Variants in ABCA4 observed in about 807,000 individuals in gnomAD.
ABCA4 encodes the protein retinal-specific phospholipid-transporting ATPase ABCA4.
A neutral mutation model predicts 263.7 loss-of-function variants in ABCA4; 196 were observed. The observed-to-expected ratio is 0.74, with a 90% CI of 0.66 to 0.84. The LOEUF (loss-of-function observed/expected upper bound fraction) is 0.84, where lower values mean the gene tolerates loss of function less well. ABCA4 is among the 40% of genes least tolerant of loss of function. The pLI is 0.00. For missense variants in ABCA4, 2,792 were observed against 2,855.1 expected (o/e 0.98, Z 0.50); for synonymous variants, 1,133 against 1,094.2 (o/e 1.04, Z -0.70).
At chr1:94,044,421 G>A (rs1660615305) in intron 20 of ABCA4, among the ~76,000 whole-genome samples, 192 bp downstream of exon 20, 1 of 152,212 alleles carries the variant, frequency 6.6e-6, no homozygotes, top group Non-Finnish European at 1.5e-5. Flanking sequence ...AGCAGAGGCA[G>A]AGTCCCATAT....
intron 43 of ABCA4, among the ~76,000 whole-genome samples, chr1:94,006,042 G>A (rs568564884): frequency 1.3e-5 from 2 of 152,300 alleles, no homozygotes; most frequent in Admixed American, 6.5e-5. Flanking sequence ...ACTACCCACA[G>A]CGAGAGGCCT....
In ABCA4 at chr1:94,078,683, C is replaced by T. The variant is rs568781940; in HGVS notation, c.1263G>A (p.Leu421=). 39 of 1,613,834 alleles carry T rather than the reference C, an allele frequency of 2.4e-5. No individual in the cohort carries two copies. Among genetic ancestry groups the T allele is most frequent in the Middle Eastern group, 1.7e-4 (1 of 6,060 alleles). ...CTTTGACCAACTTCCTAACGTGTTCCAGTTCTTCAAAAGTTGAGTTGGCCT... is the reference window on the plus strand; with the variant it reads ...CTTTGACCAACTTCCTAACGTGTTCTAGTTCTTCAAAAGTTGAGTTGGCCT... ...LKNANSTFEE[L]EHVRKLVKAW... Residue 421 remains leucine, a synonymous_variant, in exon 10 of 50, where the codon CTG becomes CTA. Transcript: ENST00000370225.
Position 94,120,999 on chromosome 1 carries a change from G to A in ABCA4, c.47C>T (p.Thr16Ile), listed in dbSNP as rs949028237. 8.7e-6 allele frequency: 14 copies of A among 1,613,688 alleles called. No individual in the cohort carries two copies. The highest frequency in any genetic ancestry group is 1.3e-5 in the African/African-American group (1 of 74,824). ...TGTTACCTTTTGCCTTTTCCGCAGGGTCCAGTTCTTCCAGAGCAAAAGCTG... is the reference window on the plus strand; with the variant it reads ...TGTTACCTTTTGCCTTTTCCGCAGGATCCAGTTCTTCCAGAGCAAAAGCTG... Reference protein sequence around the residue: ...QIQLLLWKNWTLRKRQKIRFV... With the variant: ...QIQLLLWKNWILRKRQKIRFV... Residue 16 changes from threonine (T) to isoleucine (I), a missense_variant, in exon 1 of 50, where the codon ACC (threonine) becomes ATC (isoleucine). By Grantham distance (89) the Thr-to-Ile change is moderately conservative. Coordinates refer to ENST00000370225, the MANE Select transcript of ABCA4 (RefSeq NM_000350.3).
rs1477016595 is a variant in ABCA4, at chr1:94,060,747, G to A, written c.1950C>T (p.Ile650=). 6.2e-7 allele frequency: 1 copy of A among 1,611,846 alleles called. No individual in the cohort carries two copies. Among genetic ancestry groups the A allele is most frequent in the Non-Finnish European group, 8.5e-7 (1 of 1,178,744 alleles). Reference sequence around the variant, plus strand: ...TGAAGATAGGGAAACAGCGGTTCAGGATGATCATGAAACTAAAGCAAAAGG... The same window carrying A: ...TGAAGATAGGGAAACAGCGGTTCAGAATGATCATGAAACTAAAGCAAAAGG... ...PCFVDDSFMI[I]LNRCFPIFMV... Residue 650 remains isoleucine (I), a synonymous_variant, in exon 14 of 50, where the codon ATC becomes ATT. Coordinates refer to ENST00000370225, the MANE Select transcript of ABCA4 (RefSeq NM_000350.3).
chr1:94,011,718 T>C (rs752730669), intron 38 of ABCA4, among the ~76,000 whole-genome samples: 20 of 152,212 alleles, frequency 1.3e-4, no homozygotes, highest in Non-Finnish European at 2.4e-4. Context: ...ACATTTACTA[T>C]GCTCAGTACC....
In ABCA4 at chr1:94,044,706, G is replaced by A. The variant is rs1660624204; in HGVS notation, c.2957C>T (p.Thr986Ile). ...LTGLLPPTSG[T>I]VLVGGRDIET... ...AATGTCCCTTCCCCCAACGAGCACA[G>A]TCCCAGAGGTTGGTGGCAACAGACC... is the stretch of plus-strand genomic sequence containing the variant. Residue 986 changes from threonine to isoleucine, a missense_variant, in exon 20 of 50, where the codon ACT becomes ATT. Thr to Ile is a moderately conservative substitution (Grantham distance 89, BLOSUM62 -1). Coordinates refer to ENST00000370225, the MANE Select transcript of ABCA4 (RefSeq NM_000350.3). 1.9e-6 allele frequency: 3 copies of A among 1,614,228 alleles called. No individual in the cohort carries two copies. Among genetic ancestry groups the A allele is most frequent in the Non-Finnish European group, 2.5e-6 (3 of 1,180,036 alleles).
At chr1:94,033,014 A>G (rs1660246387) in intron 26 of ABCA4, among the ~76,000 whole-genome samples, 4 of 152,228 alleles carry the variant, frequency 2.6e-5, no homozygotes, top group Admixed American at 1.3e-4. Context: ...GAAGTGGTAG[A>G]AAAAGTAATG....
At chr1:94,105,599 G>A in intron 4 of ABCA4, among the ~76,000 whole-genome samples, 1 of 151,402 alleles carries the variant, frequency 6.6e-6, no homozygotes, top group South Asian at 2.1e-4. Context: ...TCCCTTCCCT[G>A]GGAAGATTAG....
At chr1:94,109,061 C>G (rs187968482) in intron 3 of ABCA4, among the ~76,000 whole-genome samples, 1 of 152,158 alleles carries the variant, frequency 6.6e-6, no homozygotes, top group Non-Finnish European at 1.5e-5. Flanking sequence ...CATGAGCCAC[C>G]GTGCTTGGCC....
At chr1:94,045,666 T>C (rs1660650873) in intron 19 of ABCA4, 4 of 442,818 alleles carry the variant, frequency 9.0e-6, no homozygotes, top group South Asian at 6.5e-5. Context: ...TCTGAACTTG[T>C]CCTGATGGAG....
chr1:94,056,903 A>G, intron 14 of ABCA4, 81 bp from the exon 15 acceptor site: 1 of 1,142,394 alleles, frequency 8.8e-7, no homozygotes, highest in South Asian at 1.3e-5. Context: ...GCTCTCTCCC[A>G]CCAGCCTGCA....
rs114980537 is a variant in ABCA4, at chr1:94,035,483, G to A, written c.3862+1257C>T. The stretch of plus-strand genomic sequence containing the variant: ...CTGAAGCATATCTGGGCTGGTATAT[G>A]TGTCCATTGGTAGTTCTAGGCATAG... On this transcript the variant is annotated intron_variant, in intron 26 of 49. Coordinates refer to ENST00000370225, the MANE Select transcript of ABCA4 (RefSeq NM_000350.3). 5.4e-3 allele frequency among the ~76,000 whole-genome samples: 818 copies of A among 152,324 alleles called. 7 individuals are homozygous for A. Among genetic ancestry groups the A allele is most frequent in the Middle Eastern group, 0.024 (7 of 294 alleles).
intron 4 of ABCA4, among the ~76,000 whole-genome samples, chr1:94,105,955 G>A (rs1662422072): frequency 6.6e-6 from 1 of 152,198 alleles, no homozygotes; most frequent in Admixed American, 6.5e-5. Flanking sequence ...ATTGGCCTGA[G>A]GAGTCCGTGC....
chr1:94,021,900 C>G lies in ABCA4; in HGVS notation c.4719G>C (p.Gly1573=). 1 of 1,614,190 alleles carries G rather than the reference C, an allele frequency of 6.2e-7. No individual in the cohort carries two copies. The highest frequency in any genetic ancestry group is 8.5e-7 in the Non-Finnish European group (1 of 1,180,040). Residue 1573 remains glycine, a synonymous_variant, in exon 33 of 50, where the codon GGG becomes GGC. Coordinates refer to ENST00000370225, the MANE Select transcript of ABCA4 (RefSeq NM_000350.3). ...GGKLPVVPIT[G]EALVGFLSDL... is the part of the protein sequence containing the mutation. Reference sequence around the variant, plus strand: ...CGCTTAAAAACCCAACAAGTGCTTCCCCCGTGATGGGGACGACTGGGAGCT... The same window carrying G: ...CGCTTAAAAACCCAACAAGTGCTTCGCCCGTGATGGGGACGACTGGGAGCT...
At chr1:94,054,855 T>C (rs1411346786) in intron 16 of ABCA4, among the ~76,000 whole-genome samples, 1 of 152,010 alleles carries the variant, frequency 6.6e-6, no homozygotes, top group East Asian at 1.9e-4. Flanking sequence ...AATGGACTGA[T>C]GGGAGGTGGT....
intron 24 of ABCA4, among the ~76,000 whole-genome samples, chr1:94,039,243 T>C (rs561834883): frequency 6.5e-4 from 99 of 152,326 alleles, no homozygotes; most frequent in African/African-American, 2.3e-3. Flanking sequence ...TCTCTGAGCA[T>C]GTTCCCTCCA....
chr1:93,998,887 T>C (rs920593994), intron 47 of ABCA4, among the ~76,000 whole-genome samples: 1 of 150,342 alleles, frequency 6.7e-6, no homozygotes, highest in Admixed American at 6.6e-5. Context: ...TACAGGCACC[T>C]GCCACCACAC....
rs763146508 is a variant in ABCA4, at chr1:94,021,842, A to C, written c.4773+4T>G. On this transcript the variant is annotated splice_donor_region_variant and intron_variant, in intron 33 of 49. Coordinates refer to ENST00000370225, the MANE Select transcript of ABCA4 (RefSeq NM_000350.3). ...CTACTCAAATCTCCAGTCTGTTTACATACCCCGCTCACATTCATGATCCGG... is the reference window on the plus strand; with the variant it reads ...CTACTCAAATCTCCAGTCTGTTTACCTACCCCGCTCACATTCATGATCCGG... 7 of 1,614,182 alleles carry C rather than the reference A, an allele frequency of 4.3e-6. No individual in the cohort carries two copies. Among genetic ancestry groups the C allele is most frequent in the Non-Finnish European group, 5.9e-6 (7 of 1,179,998 alleles).
chr1:94,062,503 C>G (rs1661153550), intron 13 of ABCA4, 74 bp downstream of exon 13: 4 of 1,550,216 alleles, frequency 2.6e-6, no homozygotes, highest in South Asian at 2.3e-5. Flanking sequence ...TTGAGGGCAC[C>G]CCCAGCCCAC....
Sources: gnomAD v4.1 joint callset for allele counts (sites outside exome capture counted in the v4.1 genomes callset) on GRCh38, gnomAD v4.1.1 for gene constraint, MANE v1.5 for transcripts, NCBI Gene and HGNC (gene_info 2026-07-23, HGNC 2026-07-21) for gene names.